The following BICRA variants were observed in gnomAD, a reference collection of about 807,000 sequenced individuals.
The protein encoded by BICRA is BRD4-interacting chromatin-remodeling complex-associated protein.
Under a neutral mutation model 96.9 loss-of-function variants are expected in BICRA, and 31 were observed. The observed-to-expected ratio is 0.32, with a 90% CI of 0.24 to 0.43. The LOEUF (loss-of-function observed/expected upper bound fraction) is 0.43, where lower values mean the gene tolerates loss of function less well. BICRA is among the 20% of genes least tolerant of loss of function. The pLI is 1.00. For missense variants in BICRA, 2,283 were observed against 2,190.3 expected, an observed-to-expected ratio of 1.04 and a Z score of -0.84; for synonymous variants, 1,350 against 1,071.8, an observed-to-expected ratio of 1.26 and a Z score of -5.07.
rs557168820 is a variant in BICRA at position 47,681,969 on chromosome 19, G to A, written c.2107-7G>A. 5.7e-4 allele frequency: 883 copies of A among 1,550,782 alleles called. 24 individuals are homozygous for A. In the South Asian group the frequency reaches 9.3e-3, roughly 16 times the overall value. ...CTTTCTGATCCTGTGCGGGCTGCCC[G>A]TTGCAGGAGAGGAGCCAGCAGCCCC... On this transcript the variant is annotated splice_region_variant and splice_polypyrimidine_tract_variant and intron_variant, in intron 6 of 14. Transcript: ENST00000594866.
chr19:47,676,041 G>A, intron 5 of BICRA, 125 bp downstream of exon 5: 1 of 615,144 alleles, frequency 1.6e-6, no homozygotes, highest in Admixed American at 3.0e-5. Context: ...GAGGGCGGGG[G>A]TGGGCCACCC....
chr19:47,693,528 C>G lies in BICRA; in HGVS notation c.2284-587C>G, dbSNP rs114895635. On this transcript the variant is annotated intron_variant, in intron 7 of 14. Transcript: ENST00000594866. ...ACGTGGCTGTGAACCCAGGCCTGTC[C>G]CTGTGTGGCCATCCGTATTCTCGGC... Among the ~76,000 whole-genome samples the G allele has an allele frequency of 2.3e-3, 343 of 152,368 alleles. 2 individuals are homozygous for G. Among genetic ancestry groups the G allele is most frequent in the African/African-American group, 8.0e-3 (331 of 41,586 alleles).
At chr19:47,630,261 C>T (rs993907596) in intron 1 of BICRA, among the ~76,000 whole-genome samples, 30 of 149,822 alleles carry the variant, frequency 2.0e-4, no homozygotes, top group African/African-American at 6.6e-4. Context: ...CCTGGGTTCA[C>T]GCCATTCTCC....
chr19:47,692,249 C>T (rs1055157116), intron 7 of BICRA, among the ~76,000 whole-genome samples: 1 of 150,784 alleles, frequency 6.6e-6, no homozygotes, highest in Non-Finnish European at 1.5e-5. Context: ...TTTTTTGAGA[C>T]GGAGTTTCAC....
intron 1 of BICRA, among the ~76,000 whole-genome samples, chr19:47,609,939 C>G (rs1247406067): frequency 7.2e-6 from 1 of 138,848 alleles, no homozygotes; most frequent in African/African-American, 2.8e-5. Context: ...CCAGCTGAGG[C>G]TCATCCCGGA....
At chr19:47,638,230 C>T (rs1972329504) in intron 1 of BICRA, among the ~76,000 whole-genome samples, 1 of 152,148 alleles carries the variant, frequency 6.6e-6, no homozygotes, top group South Asian at 2.1e-4. Context: ...CAGCTCTGCT[C>T]CCCCCTCAGG....
intron 1 of BICRA, among the ~76,000 whole-genome samples, chr19:47,631,482 C>T (rs1464287965): frequency 6.6e-6 from 1 of 152,080 alleles, no homozygotes; most frequent in East Asian, 1.9e-4. Context: ...CCCTCCTCAG[C>T]CTCCCAAAGA....
At chr19:47,694,797 C>A in intron 8 of BICRA, 71 bp downstream of exon 8, 1 of 1,125,400 alleles carries the variant, frequency 8.9e-7, no homozygotes, top group East Asian at 2.4e-5. Context: ...GATGGGAGCC[C>A]CTCCGCCTTA....
intron 7 of BICRA, among the ~76,000 whole-genome samples, chr19:47,684,766 C>G (rs1973119585): frequency 1.3e-5 from 2 of 152,164 alleles, no homozygotes; most frequent in Admixed American, 1.3e-4. Flanking sequence ...ATTAAAAACC[C>G]TGGGGGCTTA....
At chr19:47,685,976 G>T (rs1238723508) in intron 7 of BICRA, among the ~76,000 whole-genome samples, 2 of 151,084 alleles carry the variant, frequency 1.3e-5, no homozygotes, top group Non-Finnish European at 2.9e-5. Flanking sequence ...TGTCACCCAG[G>T]CTGGAGTGCA....
chr19:47,645,141 C>T (rs1314849151), intron 1 of BICRA, among the ~76,000 whole-genome samples: 1 of 152,172 alleles, frequency 6.6e-6, no homozygotes, highest in Non-Finnish European at 1.5e-5. Flanking sequence ...CTCCCCACCC[C>T]GATGTAGGAT....
At position 47,694,579 on chromosome 19, in the gene BICRA, C is replaced by T; in HGVS notation, c.2748C>T (p.Pro916=). 6.2e-7 allele frequency: 1 copy of T among 1,603,276 alleles called. No individual in the cohort carries two copies. The highest frequency in any genetic ancestry group is 8.5e-7 in the Non-Finnish European group (1 of 1,171,324). ...FQLQFPPSQG[P]HKSPTPPPTL... The stretch of plus-strand genomic sequence containing the variant: ...TCCAGTTCCCACCCAGCCAGGGGCC[C>T]CACAAGTCCCCCACTCCCCCTCCAA... The change falls in exon 8 of 15, where the codon CCC becomes CCT. Residue 916 remains proline, a synonymous_variant. Transcript: ENST00000594866.
At chr19:47,651,661 G>T (rs984925599) in intron 1 of BICRA, among the ~76,000 whole-genome samples, 6 of 152,154 alleles carry the variant, frequency 3.9e-5, no homozygotes, top group African/African-American at 1.4e-4. Flanking sequence ...AAGGGGAACA[G>T]CACGATCTTA....
intron 11 of BICRA, among the ~76,000 whole-genome samples, chr19:47,697,341 C>T (rs1225872294): frequency 3.3e-5 from 5 of 150,062 alleles, no homozygotes; most frequent in Admixed American, 1.3e-4. Flanking sequence ...TGCAGTGAGC[C>T]GAGATCATGC....
intron 1 of BICRA, among the ~76,000 whole-genome samples, chr19:47,655,819 G>A (rs1256123622): frequency 6.6e-6 from 1 of 151,518 alleles, no homozygotes; most frequent in Non-Finnish European, 1.5e-5. Flanking sequence ...TCGCTGCACT[G>A]CACTCCAGTC....
chr19:47,631,874 C>T (rs564873832), intron 1 of BICRA, among the ~76,000 whole-genome samples: 19 of 152,286 alleles, frequency 1.2e-4, no homozygotes, highest in Admixed American at 7.8e-4. Flanking sequence ...GTCTCAAAGT[C>T]GTGACCTCAG....
intron 7 of BICRA, among the ~76,000 whole-genome samples, chr19:47,693,211 G>T (rs577092660): frequency 6.6e-6 from 1 of 152,266 alleles, no homozygotes; most frequent in African/African-American, 2.4e-5. Context: ...GGCTGCTCTG[G>T]TTATGATTCT....
Position 47,680,331 on chromosome 19 carries a change from C to T in BICRA, c.1161C>T (p.Leu387=), listed in dbSNP as rs772343222. ...TLTIQGEPGA[L]PQQPKAPQNL... ...CCATCCAGGGCGAGCCGGGGGCGCT[C>T]CCGCAGCAGCCCAAGGCCCCGCAGA... Residue 387 remains leucine (L), a synonymous_variant, in exon 6 of 15, where the codon CTC becomes CTT. Coordinates refer to ENST00000594866, the MANE Select transcript of BICRA (RefSeq NM_001394372.1). 4 of 1,535,368 alleles carry T rather than the reference C, an allele frequency of 2.6e-6. No homozygotes were observed. The highest frequency in any genetic ancestry group is 3.5e-6 in the Non-Finnish European group (4 of 1,147,356).
intron 1 of BICRA, among the ~76,000 whole-genome samples, chr19:47,643,131 G>A (rs536019046): frequency 5.3e-5 from 8 of 152,132 alleles, no homozygotes; most frequent in Non-Finnish European, 1.2e-4. Flanking sequence ...CACCATGCCC[G>A]GCTAATTTTT....
Sources: gnomAD v4.1 joint callset for allele counts (sites outside exome capture counted in the v4.1 genomes callset) on GRCh38, gnomAD v4.1.1 for gene constraint, MANE v1.5 for transcripts, NCBI Gene and HGNC (gene_info 2026-07-23, HGNC 2026-07-21) for gene names.